Variants in CDKAL1 observed in about 807,000 individuals in gnomAD.
CDKAL1 encodes CDKAL1 threonylcarbamoyladenosine tRNA methylthiotransferase.
CDKAL1 carries 32 observed loss-of-function variants against 68.2 expected under a neutral mutation model. That is an observed-to-expected ratio of 0.47 (90% CI 0.35 to 0.63). The LOEUF (loss-of-function observed/expected upper bound fraction) is 0.63. Ranked by LOEUF, CDKAL1 falls within the 30% of genes least tolerant of loss-of-function variation. The pLI, the probability that CDKAL1 is intolerant of heterozygous loss-of-function variation, is 0.00. For missense variants in CDKAL1, 606 were observed against 696.7 expected (o/e 0.87, Z 1.47); for synonymous variants, 234 against 244.3 (o/e 0.96, Z 0.39).
At chr6:21,163,884 G>C (rs866149900) in intron 13 of CDKAL1, among the ~76,000 whole-genome samples, 1 of 152,076 alleles carries the variant, frequency 6.6e-6, no homozygotes, top group South Asian at 2.1e-4. Flanking sequence ...CTGGGAGACG[G>C]AGGCTGCAGT....
chr6:20,757,953 C>G (rs1774295933), intron 6 of CDKAL1, among the ~76,000 whole-genome samples: 1 of 152,174 alleles, frequency 6.6e-6, no homozygotes, highest in South Asian at 2.1e-4. Flanking sequence ...CCTGTTTAAT[C>G]ATAACCCCAG....
chr6:20,648,634 C>T (rs1321748313), intron 4 of CDKAL1, among the ~76,000 whole-genome samples: 3 of 152,064 alleles, frequency 2.0e-5, no homozygotes. Context: ...TTTTGGTTTT[C>T]CTTTCTTTAT....
chr6:20,902,080 C>A (rs181998223), intron 9 of CDKAL1, among the ~76,000 whole-genome samples: 81 of 136,444 alleles, frequency 5.9e-4, no homozygotes, highest in South Asian at 2.7e-3. Context: ...TAACCACTGT[C>A]CCCCTGACTT....
chr6:20,801,088 T>C (rs185366626), intron 8 of CDKAL1, among the ~76,000 whole-genome samples: 32 of 151,646 alleles, frequency 2.1e-4, no homozygotes, highest in African/African-American at 7.6e-4. Flanking sequence ...TGGCTAATTA[T>C]TTTTATTTTT....
intron 5 of CDKAL1, among the ~76,000 whole-genome samples, chr6:20,729,419 T>C (rs1338741374): frequency 6.6e-6 from 1 of 152,208 alleles, no homozygotes; most frequent in Non-Finnish European, 1.5e-5. Context: ...AGTATTTTCT[T>C]TCACAGGTTT....
chr6:20,742,341 G>A (rs1052816627), intron 6 of CDKAL1, among the ~76,000 whole-genome samples: 14 of 146,696 alleles, frequency 9.5e-5, no homozygotes, highest in African/African-American at 3.5e-4. Flanking sequence ...GTAGTCTTTA[G>A]GTTTATCTTA....
chr6:20,841,054 C>G (rs1453154680), intron 8 of CDKAL1, among the ~76,000 whole-genome samples: 1 of 152,094 alleles, frequency 6.6e-6, no homozygotes, highest in East Asian at 1.9e-4. Context: ...AGGCTGGTCT[C>G]GAATTCCTGA....
At chr6:20,803,413 TA>T (rs1776445624) in intron 8 of CDKAL1, among the ~76,000 whole-genome samples, 1 of 152,218 alleles carries the variant, frequency 6.6e-6, no homozygotes, top group Non-Finnish European at 1.5e-5. Flanking sequence ...CTTTGTCAAA[TA>T]TCGCCTTTTC....
chr6:21,025,216 C>G lies in CDKAL1; in HGVS notation c.1055+24844C>G, dbSNP rs1232547286. Among the ~76,000 whole-genome samples the G allele has an allele frequency of 5.3e-5, 8 of 152,164 alleles. No homozygotes were observed. In the East Asian group the frequency reaches 1.5e-3, roughly 29 times the overall value. On this transcript the variant is annotated intron_variant, in intron 11 of 15. Coordinates refer to ENST00000274695, the MANE Select transcript of CDKAL1 (RefSeq NM_017774.3). ...CAGTCACCTCTTCTCCATCCTTTCT[C>G]CTCCCCAAAATTCTCTTTATTTTTT... is the stretch of plus-strand genomic sequence containing the variant.
chr6:21,003,343 A>AATATATATATATATATATATATATATAT (rs71540608), intron 11 of CDKAL1, among the ~76,000 whole-genome samples: 12 of 40,426 alleles, frequency 3.0e-4, no homozygotes, highest in East Asian at 1.0e-3. Flanking sequence ...ATCTCTACTA[A>AATATATATATATATATATATATATATAT]ATATATATAT....
intron 4 of CDKAL1, among the ~76,000 whole-genome samples, chr6:20,585,806 T>G (rs1765331293): frequency 6.6e-6 from 1 of 152,146 alleles, no homozygotes; most frequent in African/African-American, 2.4e-5. Context: ...CTATACTCAC[T>G]TATTTGGGTT....
At chr6:20,901,508 A>T (rs1296333306) in intron 9 of CDKAL1, among the ~76,000 whole-genome samples, 6 of 151,148 alleles carry the variant, frequency 4.0e-5, no homozygotes, top group Admixed American at 3.9e-4. Flanking sequence ...CCCTGTCTCT[A>T]CTAAAAATAC....
At chr6:20,914,151 G>A (rs779967632) in intron 9 of CDKAL1, among the ~76,000 whole-genome samples, 2 of 152,060 alleles carry the variant, frequency 1.3e-5, no homozygotes, top group South Asian at 2.1e-4. Context: ...TTAGCTGGGC[G>A]TGGTGGCAGG....
chr6:20,848,149 A>G (rs1392330092), intron 9 of CDKAL1, among the ~76,000 whole-genome samples: 1 of 94,572 alleles, frequency 1.1e-5, no homozygotes, highest in Non-Finnish European at 2.7e-5. Flanking sequence ...TTACATGCTT[A>G]TGCAAACGTC....
intron 13 of CDKAL1, among the ~76,000 whole-genome samples, chr6:21,176,287 C>A (rs1272884486): frequency 6.6e-6 from 1 of 152,168 alleles, no homozygotes; most frequent in Non-Finnish European, 1.5e-5. Flanking sequence ...TAAAAGAAAA[C>A]ATTTTTCTAT....
At chr6:20,992,808 G>A (rs1464810974) in intron 10 of CDKAL1, among the ~76,000 whole-genome samples, 1 of 151,854 alleles carries the variant, frequency 6.6e-6, no homozygotes, top group Non-Finnish European at 1.5e-5. Context: ...AGGCTGAGGT[G>A]GGAGGATCAC....
intron 13 of CDKAL1, among the ~76,000 whole-genome samples, chr6:21,179,828 T>G (rs534569013): frequency 6.6e-6 from 1 of 152,348 alleles, no homozygotes; most frequent in African/African-American, 2.4e-5. Flanking sequence ...AGGACCAGCC[T>G]GGGCCATATG....
chr6:20,685,335 C>G (rs1023062302), intron 5 of CDKAL1, among the ~76,000 whole-genome samples: 1 of 152,132 alleles, frequency 6.6e-6, no homozygotes, highest in Non-Finnish European at 1.5e-5. Flanking sequence ...TTTCTGGGCT[C>G]TTTGTTCTGT....
chr6:21,084,116 C>G (rs1232794967), intron 12 of CDKAL1, among the ~76,000 whole-genome samples: 2 of 152,124 alleles, frequency 1.3e-5, no homozygotes, highest in Non-Finnish European at 2.9e-5. Flanking sequence ...CTTGAAAACT[C>G]AAAACTCTCA....
Sources: allele counts gnomAD v4.1 joint callset (sites outside exome capture counted in the v4.1 genomes callset), GRCh38; gene constraint gnomAD v4.1.1; transcripts MANE v1.5; gene names NCBI Gene and HGNC (gene_info 2026-07-23, HGNC 2026-07-21).